SLC35F1: variants seen among roughly 807,000 people sequenced by gnomAD.
The protein encoded by SLC35F1 is solute carrier family 35 member F1, also known as chromosome 6 open reading frame 169.
A neutral mutation model predicts 48.7 loss-of-function variants in SLC35F1; 14 were observed. That is an observed-to-expected ratio of 0.29 (90% confidence interval 0.19 to 0.45). The LOEUF (loss-of-function observed/expected upper bound fraction) is 0.45. Ranked by LOEUF, SLC35F1 falls within the 20% of genes least tolerant of loss-of-function variation. SLC35F1 has a pLI of 1.00. For missense variants in SLC35F1, 404 were observed against 500.0 expected, an observed-to-expected ratio of 0.81 and a Z score of 1.83; for synonymous variants, 190 against 202.2, an observed-to-expected ratio of 0.94 and a Z score of 0.51.
At chr6:118,073,394 C>T (rs938539589) in intron 1 of SLC35F1, among the ~76,000 whole-genome samples, 1 of 152,086 alleles carries the variant, frequency 6.6e-6, no homozygotes. Flanking sequence ...TAGGGTATAC[C>T]TATTATAACT....
At chr6:118,152,848 C>T (rs911066506) in intron 1 of SLC35F1, among the ~76,000 whole-genome samples, 1 of 152,146 alleles carries the variant, frequency 6.6e-6, no homozygotes, top group Non-Finnish European at 1.5e-5. Context: ...TACCACAGAC[C>T]TTGTAGATCT....
intron 1 of SLC35F1, among the ~76,000 whole-genome samples, chr6:118,099,364 A>G (rs1233405236): frequency 1.3e-5 from 2 of 152,220 alleles, no homozygotes; most frequent in African/African-American, 2.4e-5. Flanking sequence ...AAACTACTAC[A>G]AAGCAAGGTC....
At chr6:118,128,407 A>G (rs1392079345) in intron 1 of SLC35F1, among the ~76,000 whole-genome samples, 15 of 149,922 alleles carry the variant, frequency 1.0e-4, no homozygotes, top group African/African-American at 3.4e-4. Flanking sequence ...ACTTGGAACC[A>G]ACCCAAATGT....
Position 118,314,356 on chromosome 6 carries a change from C to T in SLC35F1, c.*104C>T. On this transcript the variant is annotated 3_prime_UTR_variant, in exon 8 of 8. Coordinates refer to ENST00000360388, the MANE Select transcript of SLC35F1 (RefSeq NM_001029858.4). ...AGGTATTTACTAGGTGCAGTTTACA[C>T]AGGTGGACTGCAAGGTAGCAAATCC... 1 of 980,070 alleles carries T rather than the reference C, an allele frequency of 1.0e-6. No homozygotes were observed. The allele number at this position is 980,070 out of a possible 1,614,324, so 60.7% of individuals were successfully genotyped here. A position where few individuals can be genotyped will look rare whatever the true frequency, so the allele number is the denominator to read the frequency against.
intron 7 of SLC35F1, among the ~76,000 whole-genome samples, chr6:118,291,549 T>C (rs1453128824): frequency 6.6e-6 from 1 of 152,184 alleles, no homozygotes; most frequent in Admixed American, 6.5e-5. Context: ...AAGTTTTAAA[T>C]TTTGATCACA....
intron 2 of SLC35F1, among the ~76,000 whole-genome samples, chr6:118,183,679 A>T (rs1358510302): frequency 6.6e-6 from 1 of 152,102 alleles, no homozygotes; most frequent in East Asian, 1.9e-4. Flanking sequence ...GTTACCTAGG[A>T]TCTCAAACTA....
intron 1 of SLC35F1, among the ~76,000 whole-genome samples, chr6:118,005,730 A>T (rs773978362): frequency 6.6e-6 from 1 of 152,162 alleles, no homozygotes; most frequent in Non-Finnish European, 1.5e-5. Flanking sequence ...TTGGATTGGA[A>T]TGCTTCCTTT....
intron 1 of SLC35F1, among the ~76,000 whole-genome samples, chr6:118,138,727 G>T (rs1010838419): frequency 4.0e-5 from 6 of 151,532 alleles, no homozygotes. Flanking sequence ...TTTTAAAGAT[G>T]CAGTGGAGTT....
At chr6:117,969,616 G>T (rs1776614164) in intron 1 of SLC35F1, among the ~76,000 whole-genome samples, 2 of 152,262 alleles carry the variant, frequency 1.3e-5, no homozygotes, top group African/African-American at 4.8e-5. Flanking sequence ...TCTGGAGGGT[G>T]AGGTGAAAGT....
intron 1 of SLC35F1, among the ~76,000 whole-genome samples, chr6:118,138,114 G>A (rs979664333): frequency 3.9e-5 from 6 of 151,994 alleles, no homozygotes; most frequent in African/African-American, 1.5e-4. Flanking sequence ...TTCGAGACCA[G>A]CCTGGGCGAC....
intron 1 of SLC35F1, among the ~76,000 whole-genome samples, chr6:118,025,350 G>A (rs1053422642): frequency 6.6e-6 from 1 of 152,176 alleles, no homozygotes; most frequent in Non-Finnish European, 1.5e-5. Flanking sequence ...GTGTTTTGGG[G>A]AGGAAAAGTA....
chr6:118,061,144 A>G (rs1772530900), intron 1 of SLC35F1, among the ~76,000 whole-genome samples: 1 of 152,236 alleles, frequency 6.6e-6, no homozygotes, highest in Admixed American at 6.5e-5. Flanking sequence ...GCCTTCCTGT[A>G]CTAAGGTGAA....
At chr6:117,970,546 C>A (rs1776625075) in intron 1 of SLC35F1, among the ~76,000 whole-genome samples, 1 of 152,136 alleles carries the variant, frequency 6.6e-6, no homozygotes, top group Admixed American at 6.6e-5. Context: ...CTGGTGCCAC[C>A]TGAGAGCCAC....
intron 6 of SLC35F1, among the ~76,000 whole-genome samples, chr6:118,280,431 C>A (rs1167931348): frequency 2.0e-5 from 3 of 151,982 alleles, no homozygotes; most frequent in East Asian, 1.9e-4. Flanking sequence ...TATGCAGGGG[C>A]CTTCTTCACT....
At chr6:118,186,355 C>T (rs975954362) in intron 2 of SLC35F1, among the ~76,000 whole-genome samples, 5 of 151,928 alleles carry the variant, frequency 3.3e-5, no homozygotes, top group Non-Finnish European at 5.9e-5. Context: ...AAGATAATAG[C>T]GCCCCCACCC....
chr6:118,066,822 G>T (rs907007506), intron 1 of SLC35F1, among the ~76,000 whole-genome samples: 28 of 150,798 alleles, frequency 1.9e-4, no homozygotes, highest in African/African-American at 6.6e-4. Context: ...CTCGGCTAAG[G>T]CAGTAGTTCT....
chr6:118,237,324 A>AACACAC (rs67116512), intron 3 of SLC35F1, among the ~76,000 whole-genome samples: 8 of 149,614 alleles, frequency 5.3e-5, no homozygotes, highest in Admixed American at 2.7e-4. Context: ...ATTCTAAGAA[A>AACACAC]ACACACACAC....
At chr6:117,973,551 G>GTTTA (rs1026210145) in intron 1 of SLC35F1, among the ~76,000 whole-genome samples, 15 of 151,476 alleles carry the variant, frequency 9.9e-5, no homozygotes, top group Non-Finnish European at 1.8e-4. Context: ...TTATTATTTT[G>GTTTA]TTTATTTATT....
At chr6:118,119,635 C>CTGAGTAGG (rs1280185270) in intron 1 of SLC35F1, among the ~76,000 whole-genome samples, 1 of 151,830 alleles carries the variant, frequency 6.6e-6, no homozygotes, top group Non-Finnish European at 1.5e-5. Context: ...TCCTGAGTAG[C>CTGAGTAGG]TGGGATTACA....
Sources: gnomAD v4.1 joint callset for allele counts (sites outside exome capture counted in the v4.1 genomes callset) on GRCh38, gnomAD v4.1.1 for gene constraint, MANE v1.5 for transcripts, NCBI Gene and HGNC (gene_info 2026-07-23, HGNC 2026-07-21) for gene names.